The following OTUD7A variants were observed in gnomAD, a reference collection of about 807,000 sequenced individuals.
The protein encoded by OTUD7A is OTU domain-containing protein 7A.
OTUD7A carries 12 observed loss-of-function variants against 65.7 expected under a neutral mutation model. The ratio of observed to expected loss-of-function variants is 0.18; its 90% CI spans 0.12 to 0.30. The LOEUF is 0.30. Among genes scored for constraint, OTUD7A ranks in the 10% least tolerant of loss-of-function variants. The pLI is 1.00. For synonymous variants in OTUD7A, 641 were observed against 586.3 expected, an observed-to-expected ratio of 1.09 and a Z score of -1.35; for missense variants, 1,148 against 1,304.8, an observed-to-expected ratio of 0.88 and a Z score of 1.85.
At chr15:31,835,180 T>G (rs543638297) in intron 1 of OTUD7A, among the ~76,000 whole-genome samples, 33 of 152,290 alleles carry the variant, frequency 2.2e-4, no homozygotes, top group African/African-American at 7.5e-4. Flanking sequence ...GTGAACAAGG[T>G]TCAAACACAG....
chr15:31,724,033 G>T (rs12900117), intron 1 of OTUD7A, among the ~76,000 whole-genome samples: 2 of 139,918 alleles, frequency 1.4e-5, no homozygotes, highest in Admixed American at 7.4e-5. Context: ...GATTACTCAC[G>T]GAGCTGGTTA....
intron 1 of OTUD7A, among the ~76,000 whole-genome samples, chr15:31,669,462 G>C (rs894801958): frequency 1.7e-3 from 265 of 152,200 alleles, no homozygotes; most frequent in African/African-American, 4.4e-3. Context: ...TCACCCAGCT[G>C]CCATGCAGTC....
intron 3 of OTUD7A, among the ~76,000 whole-genome samples, chr15:31,576,463 G>C (rs572821080): frequency 6.6e-6 from 1 of 152,314 alleles, no homozygotes; most frequent in East Asian, 1.9e-4. Flanking sequence ...AGACATAAAA[G>C]AATGCAAACT....
At chr15:31,860,642 T>TATATATATATATATATATATATAG (rs1897699292) in intron 1 of OTUD7A, among the ~76,000 whole-genome samples, 1 of 115,806 alleles carries the variant, frequency 8.6e-6, no homozygotes. Flanking sequence ...TATATATATA[T>TATATATATATATATATATATATAG]ATGTATGTAT....
intron 1 of OTUD7A, among the ~76,000 whole-genome samples, chr15:31,717,199 T>C (rs1212340557): frequency 2.0e-5 from 3 of 152,102 alleles, no homozygotes; most frequent in South Asian, 4.2e-4. Context: ...ATCTAGTTTT[T>C]GAAAATCTGA....
intron 5 of OTUD7A, among the ~76,000 whole-genome samples, chr15:31,554,907 A>G (rs1467955222): frequency 6.6e-6 from 1 of 152,178 alleles, no homozygotes; most frequent in Non-Finnish European, 1.5e-5. Flanking sequence ...TTTTAGGCCC[A>G]GATGATCCGG....
chr15:31,593,473 C>T (rs902240278), intron 3 of OTUD7A, among the ~76,000 whole-genome samples: 1 of 152,106 alleles, frequency 6.6e-6, no homozygotes, highest in Non-Finnish European at 1.5e-5. Flanking sequence ...AGCTGGCAGG[C>T]TCTCCGTGGC....
intron 3 of OTUD7A, among the ~76,000 whole-genome samples, chr15:31,638,966 C>T (rs1891428280): frequency 6.6e-6 from 1 of 152,124 alleles, no homozygotes; most frequent in African/African-American, 2.4e-5. Context: ...AACCCCATCT[C>T]TACTAAAAAT....
chr15:31,806,723 G>A (rs992084561), intron 1 of OTUD7A, among the ~76,000 whole-genome samples: 12 of 152,222 alleles, frequency 7.9e-5, no homozygotes, highest in Non-Finnish European at 1.3e-4. Context: ...TAGCTAAAAA[G>A]AGAGAATTTA....
intron 1 of OTUD7A, among the ~76,000 whole-genome samples, chr15:31,805,859 A>G (rs1026624476): frequency 6.6e-6 from 1 of 152,210 alleles, no homozygotes; most frequent in African/African-American, 2.4e-5. Context: ...AAACCAATTA[A>G]AATGTACTCT....
intron 5 of OTUD7A, among the ~76,000 whole-genome samples, chr15:31,547,298 G>C (rs1233614773): frequency 6.6e-6 from 1 of 152,160 alleles, no homozygotes; most frequent in Non-Finnish European, 1.5e-5. Flanking sequence ...CTATAAACAA[G>C]GCTACAACAT....
Position 31,478,600 on chromosome 15 carries a change from G to A in OTUD7A, c.*4694C>T, listed in dbSNP as rs2141051618. On this transcript the variant is annotated 3_prime_UTR_variant, in exon 13 of 13. Transcript: ENST00000307050. Reference sequence around the variant, plus strand: ...CTTCGGCTCAGCCTGGTGGGGCCAAGTTCTTCATACTGCACAGACTGCACA... The same window carrying A: ...CTTCGGCTCAGCCTGGTGGGGCCAAATTCTTCATACTGCACAGACTGCACA... 6.6e-6 allele frequency: 1 copy of A among 152,352 alleles called. No homozygotes were observed. Among genetic ancestry groups the A allele is most frequent in the East Asian group, 1.9e-4 (1 of 5,182 alleles). The allele number at this position is 152,352 out of a possible 1,614,324, so 9.4% of individuals were successfully genotyped here.
chr15:31,530,882 A>G (rs1427190296), intron 5 of OTUD7A, 74 bp from the exon 6 acceptor site: 2 of 1,228,366 alleles, frequency 1.6e-6, no homozygotes, highest in Non-Finnish European at 2.3e-6. Context: ...CTAAGGAGGC[A>G]TAAACATCAG....
intron 1 of OTUD7A, among the ~76,000 whole-genome samples, chr15:31,672,520 T>G (rs1214309810): frequency 6.6e-6 from 1 of 152,064 alleles, no homozygotes; most frequent in Non-Finnish European, 1.5e-5. Context: ...TAAGGGTGAG[T>G]TAACTCTCCT....
chr15:31,781,089 C>T (rs771129463), intron 1 of OTUD7A, among the ~76,000 whole-genome samples: 1 of 152,096 alleles, frequency 6.6e-6, no homozygotes, highest in Non-Finnish European at 1.5e-5. Context: ...GTGACCTTTT[C>T]AGCCCTTCCA....
chr15:31,782,118 G>A (rs2140927246), intron 1 of OTUD7A, among the ~76,000 whole-genome samples: 1 of 152,340 alleles, frequency 6.6e-6, no homozygotes, highest in East Asian at 1.9e-4. Context: ...GACGCACAGT[G>A]ACACAACCCC....
intron 1 of OTUD7A, among the ~76,000 whole-genome samples, chr15:31,841,996 G>A (rs1897193939): frequency 6.6e-6 from 1 of 152,034 alleles, no homozygotes; most frequent in African/African-American, 2.4e-5. Context: ...GTTCATAATA[G>A]CCCAAACTGG....
chr15:31,616,877 T>A (rs7161768), intron 3 of OTUD7A, among the ~76,000 whole-genome samples: 43,539 of 151,960 alleles, frequency 0.29, 7,340 homozygotes, highest in African/African-American at 0.47. Context: ...AGAAAGAATA[T>A]GTGACAGGAA....
At chr15:31,727,520 T>A (rs2141356470) in intron 1 of OTUD7A, among the ~76,000 whole-genome samples, 1 of 152,344 alleles carries the variant, frequency 6.6e-6, no homozygotes, top group Admixed American at 6.5e-5. Flanking sequence ...GTTGAGCATT[T>A]GGACTGTATT....
Sources: allele counts gnomAD v4.1 joint callset (sites outside exome capture counted in the v4.1 genomes callset), GRCh38; gene constraint gnomAD v4.1.1; transcripts MANE v1.5; gene names NCBI Gene and HGNC (gene_info 2026-07-23, HGNC 2026-07-21).